OR2T1: variants seen among roughly 807,000 people sequenced by gnomAD.
The protein encoded by OR2T1 is olfactory receptor 2T1.
For missense variants in OR2T1, 440 were observed against 390.2 expected (o/e 1.13, Z -1.07); for synonymous variants, 186 against 145.4 (o/e 1.28, Z -2.01).
rs1266683297 is a variant in OR2T1 at position 248,406,584 on chromosome 1, G to C, written c.437G>C (p.Gly146Ala). ...SRRVCWMIIA[G>A]SWFGGSLDGF... ...CGGGTCTGTTGGATGATTATAGCAG[G>C]TTCCTGGTTTGGGGGCTCTTTGGAT... Residue 146 changes from glycine (G) to alanine (A), a missense_variant, in exon 2 of 2, where the codon GGT becomes GCT. Coordinates refer to ENST00000642005, the MANE Select transcript of OR2T1 (RefSeq NM_030904.2). 1 of 1,614,132 alleles carries C rather than the reference G, an allele frequency of 6.2e-7. No homozygotes were observed. Among genetic ancestry groups the C allele is most frequent in the African/African-American group, 1.3e-5 (1 of 75,044 alleles).
intron 1 of OR2T1, 63 bp from the exon 2 acceptor site, chr1:248,406,052 C>A (rs1308655886): frequency 6.2e-7 from 1 of 1,613,134 alleles, no homozygotes; most frequent in Non-Finnish European, 8.5e-7. Context: ...AGTTTGCTGC[C>A]TAACAATTAA....
rs146015996 is a variant in OR2T1 at position 248,406,968 on chromosome 1, C to T, written c.821C>T (p.Ser274Phe). ...YHKPAQDKVL[S>F]VFYTILTPML... ...AAGCCAGCCCAGGACAAAGTCCTCT[C>T]TGTGTTTTACACCATTCTCACACCC... The change falls in exon 2 of 2, where the codon TCT becomes TTT. Residue 274 changes from serine to phenylalanine, a missense_variant. Coordinates refer to ENST00000642005, the MANE Select transcript of OR2T1 (RefSeq NM_030904.2). The T allele has an allele frequency of 5.6e-6, 9 of 1,614,176 alleles. No individual in the cohort carries two copies. The African/African-American group carries it at 9.3e-5, about 17-fold the overall frequency.
At position 248,407,203 on chromosome 1, in the gene OR2T1, T is replaced by C; in HGVS notation, c.*99T>C. 1 of 1,219,406 alleles carries C rather than the reference T, an allele frequency of 8.2e-7. No individual in the cohort carries two copies. Among genetic ancestry groups the C allele is most frequent in the Non-Finnish European group, 1.1e-6 (1 of 870,616 alleles). The allele number at this position is 1,219,406 out of a possible 1,614,324, so 75.5% of individuals were successfully genotyped here. A position where few individuals can be genotyped will look rare whatever the true frequency, so the allele number is the denominator to read the frequency against. On this transcript the variant is annotated 3_prime_UTR_variant, in exon 2 of 2. Coordinates refer to ENST00000642005, the MANE Select transcript of OR2T1 (RefSeq NM_030904.2). Reference sequence around the variant, plus strand: ...TGAAGCAAAAAGGGAGGGAGTCATATGATTACAATATTGGTTTTTTGGCTA... The same window carrying C: ...TGAAGCAAAAAGGGAGGGAGTCATACGATTACAATATTGGTTTTTTGGCTA...
rs780747153 is a variant in OR2T1 at position 248,406,265 on chromosome 1, G to A, written c.118G>A (p.Ala40Thr). The A allele has an allele frequency of 6.2e-7, 1 of 1,614,096 alleles. No homozygotes were observed. The change falls in exon 2 of 2, where the codon GCC (alanine) becomes ACC (threonine). Residue 40 changes from alanine to threonine, a missense_variant. Ala to Thr is a moderately conservative substitution (Grantham distance 58). Transcript: ENST00000642005. ...ISIIFFTALMANGVMIFLIQT... is the reference protein window; with the variant it reads ...ISIIFFTALMTNGVMIFLIQT... ...TATCATCTTCTTCACCGCACTGATGGCCAATGGGGTTATGATCTTCCTGAT... is the reference window on the plus strand; with the variant it reads ...TATCATCTTCTTCACCGCACTGATGACCAATGGGGTTATGATCTTCCTGAT...
Position 248,407,306 on chromosome 1 carries a change from C to G in OR2T1, c.*202C>G, listed in dbSNP as rs1661584309. ...AGAAAACTGAATCTCTCTCTGTGAT[C>G]TTCGCCTTCCCTCTTTTCACCTGCT... On this transcript the variant is annotated 3_prime_UTR_variant, in exon 2 of 2. Transcript: ENST00000642005. The G allele has an allele frequency of 6.6e-6, 3 of 452,482 alleles. No homozygotes were observed. Among genetic ancestry groups the G allele is most frequent in the Admixed American group, 7.9e-5 (2 of 25,430 alleles). The allele number at this position is 452,482 out of a possible 1,614,324, so 28.0% of individuals were successfully genotyped here. A position where few individuals can be genotyped will look rare whatever the true frequency, so the allele number is the denominator to read the frequency against.
Position 248,406,560 on chromosome 1 carries a change from G to T in OR2T1, c.413G>T (p.Arg138Leu), listed in dbSNP as rs370293270. The change falls in exon 2 of 2, where the codon CGG becomes CTG. Residue 138 changes from arginine (R) to leucine (L), a missense_variant. Transcript: ENST00000642005. Reference sequence around the variant, plus strand: ...AGATACCCTGTCCTCATGAGCCGCCGGGTCTGTTGGATGATTATAGCAGGT... The same window carrying T: ...AGATACCCTGTCCTCATGAGCCGCCTGGTCTGTTGGATGATTATAGCAGGT... ...PLRYPVLMSRRVCWMIIAGSW... is the reference protein window; with the variant it reads ...PLRYPVLMSRLVCWMIIAGSW... 1 of 1,614,092 alleles carries T rather than the reference G, an allele frequency of 6.2e-7. No individual in the cohort carries two copies. Among genetic ancestry groups the T allele is most frequent in the Admixed American group, 1.7e-5 (1 of 60,010 alleles).
At position 248,407,246 on chromosome 1, in the gene OR2T1, C is replaced by T. The variant is rs1343657914; in HGVS notation, c.*142C>T. 3 of 638,016 alleles carry T rather than the reference C, an allele frequency of 4.7e-6. No homozygotes were observed. The highest frequency in any genetic ancestry group is 2.2e-5 in the African/African-American group (1 of 46,412). 39.5% of individuals were successfully genotyped at this position (638,016 alleles called of 1,614,324 possible). On this transcript the variant is annotated 3_prime_UTR_variant, in exon 2 of 2. Coordinates refer to ENST00000642005, the MANE Select transcript of OR2T1 (RefSeq NM_030904.2). ...TTTGGCTAGGGTTTCTGGTTCATAA[C>T]TCCATAGTTATGATGTTGTGGTTTT...
chr1:248,406,759 G>A lies in OR2T1; in HGVS notation c.612G>A (p.Leu204=), dbSNP rs1661570265. ...CAGTGATGTATGTGTGCTGTGTTTTGATGCTGCTGATTCCTTTCTCTGTAG... is the reference window on the plus strand; with the variant it reads ...CAGTGATGTATGTGTGCTGTGTTTTAATGCTGCTGATTCCTTTCTCTGTAG... ...YETVMYVCCV[L]MLLIPFSVVL... is the part of the protein sequence containing the mutation. The change falls in exon 2 of 2, where the codon TTG becomes TTA. Residue 204 remains leucine (L), a synonymous_variant. Coordinates refer to ENST00000642005, the MANE Select transcript of OR2T1 (RefSeq NM_030904.2). The A allele has an allele frequency of 6.2e-7, 1 of 1,614,180 alleles. No individual in the cohort carries two copies. The highest frequency in any genetic ancestry group is 2.2e-5 in the East Asian group (1 of 44,882).
At position 248,406,112 on chromosome 1, in the gene OR2T1, A is replaced by G. The variant is rs746351658; in HGVS notation, c.-33-3A>G. ...CTGGGAATGCTATCATCTTATTTGGAAGATATTACCTTATATCGGCACAAC... is the reference window on the plus strand; with the variant it reads ...CTGGGAATGCTATCATCTTATTTGGGAGATATTACCTTATATCGGCACAAC... On this transcript the variant is annotated splice_polypyrimidine_tract_variant and splice_region_variant and intron_variant, in intron 1 of 1. Transcript: ENST00000642005. The G allele has an allele frequency of 6.2e-7, 1 of 1,614,054 alleles. No individual in the cohort carries two copies. The highest frequency in any genetic ancestry group is 2.2e-5 in the East Asian group (1 of 44,878).
intron 1 of OR2T1, 185 bp from the exon 2 acceptor site, chr1:248,405,930 A>T: frequency 3.8e-6 from 5 of 1,327,632 alleles, no homozygotes; most frequent in Non-Finnish European, 5.2e-6. Context: ...GCAATTATTG[A>T]TTAATAATGA....
Position 248,407,712 on chromosome 1 carries a change from A to G in OR2T1, c.*608A>G, listed in dbSNP as rs1661597947. Reference sequence around the variant, plus strand: ...TGAAGCTGAACAGGAGGGTGATAAGAACCCATCCATGTGCCTGGAGGGTGG... The same window carrying G: ...TGAAGCTGAACAGGAGGGTGATAAGGACCCATCCATGTGCCTGGAGGGTGG... On this transcript the variant is annotated 3_prime_UTR_variant, in exon 2 of 2. Transcript: ENST00000642005. The G allele has an allele frequency of 6.6e-6, 1 of 152,304 alleles. No individual in the cohort carries two copies. Among genetic ancestry groups the G allele is most frequent in the Admixed American group, 6.5e-5 (1 of 15,280 alleles). The allele number at this position is 152,304 out of a possible 1,614,324, so 9.4% of individuals were successfully genotyped here. A position where few individuals can be genotyped will look rare whatever the true frequency, so the allele number is the denominator to read the frequency against.
At chr1:248,406,025 T>A in intron 1 of OR2T1, 90 bp from the exon 2 acceptor site, 1 of 1,611,906 alleles carries the variant, frequency 6.2e-7, no homozygotes, top group Non-Finnish European at 8.5e-7. Flanking sequence ...TTTAAATGTT[T>A]TCTTCCCACT....
chr1:248,405,975 A>G, intron 1 of OR2T1, 140 bp from the exon 2 acceptor site: 1 of 1,565,430 alleles, frequency 6.4e-7, no homozygotes, highest in Non-Finnish European at 8.6e-7. Context: ...GAATAGAGTA[A>G]ATGCTAGATA....
rs1266778832 is a variant in OR2T1, at chr1:248,404,345, G to A, written c.-34+1100G>A. On this transcript the variant is annotated intron_variant, in intron 1 of 1. Coordinates refer to ENST00000642005, the MANE Select transcript of OR2T1 (RefSeq NM_030904.2). ...AACCGAAAATGTAGGAAGTGTGGAA[G>A]TAGCTGAAATACTGCTAATATTTAG... Among the ~76,000 whole-genome samples, 4 of 59,490 alleles carry A rather than the reference G, an allele frequency of 6.7e-5. No homozygotes were observed. The Admixed American group carries it at 6.9e-4, about 10-fold the overall frequency. The allele number at this position is 59,490 out of a possible 152,430, so 39.0% of individuals were successfully genotyped here.
chr1:248,405,286 T>C (rs1661531110), intron 1 of OR2T1, among the ~76,000 whole-genome samples: 1 of 152,204 alleles, frequency 6.6e-6, no homozygotes, highest in Non-Finnish European at 1.5e-5. Context: ...ACTCAGTTTT[T>C]CTTAATTATG....
rs550550208 is a variant in OR2T1, at chr1:248,407,292, T to A, written c.*188T>A. ...GTTTTTTAGGCCTCAGAAAACTGAA[T>A]CTCTCTCTGTGATCTTCGCCTTCCC... On this transcript the variant is annotated 3_prime_UTR_variant, in exon 2 of 2. Coordinates refer to ENST00000642005, the MANE Select transcript of OR2T1 (RefSeq NM_030904.2). The A allele has an allele frequency of 9.2e-5, 43 of 466,046 alleles. No individual in the cohort carries two copies. The highest frequency in any genetic ancestry group is 1.6e-4 in the Non-Finnish European group (42 of 269,374). The allele number at this position is 466,046 out of a possible 1,614,324, so 28.9% of individuals were successfully genotyped here.
intron 1 of OR2T1, among the ~76,000 whole-genome samples, chr1:248,404,466 A>G (rs1480938501): frequency 6.6e-6 from 1 of 151,556 alleles, no homozygotes; most frequent in Non-Finnish European, 1.5e-5. Flanking sequence ...GGGAGGTTGT[A>G]AGTAATGATG....
chr1:248,406,900 C>A lies in OR2T1; in HGVS notation c.753C>A (p.Tyr251Ter), dbSNP rs79779218. The A allele has an allele frequency of 6.2e-7, 1 of 1,613,988 alleles. No individual in the cohort carries two copies. The highest frequency in any genetic ancestry group is 1.3e-5 in the African/African-American group (1 of 75,008). Residue 251 changes from tyrosine (Y) to a stop codon, truncating the protein, a stop_gained, in exon 2 of 2, where the codon TAC (tyrosine) becomes TAA (stop). Coordinates refer to ENST00000642005, the MANE Select transcript of OR2T1 (RefSeq NM_030904.2). LOFTEE classifies it low-confidence loss of function (END_TRUNC). ...SSHMTVVSLF[Y>*]GAAMYTYMLP... is the part of the protein sequence containing the mutation. ...ACATGACTGTGGTGTCCTTGTTCTA[C>A]GGGGCTGCCATGTACACCTACATGC...
rs1201544109 is a variant in OR2T1 at position 248,406,145 on chromosome 1, T to C, written c.-3T>C. The C allele has an allele frequency of 1.2e-6, 2 of 1,614,106 alleles. No individual in the cohort carries two copies. The highest frequency in any genetic ancestry group is 1.7e-6 in the Non-Finnish European group (2 of 1,179,996). On this transcript the variant is annotated 5_prime_UTR_variant, in exon 2 of 2. Transcript: ENST00000642005. ...ACCTTATATCGGCACAACTGTAGGA[T>C]CAATGGAAGAGTACAACACATCCTC...
Sources: allele counts gnomAD v4.1 joint callset (sites outside exome capture counted in the v4.1 genomes callset), GRCh38; gene constraint gnomAD v4.1.1; transcripts MANE v1.5; gene names NCBI Gene and HGNC (gene_info 2026-07-23, HGNC 2026-07-21).